Variants in SDC2 observed in about 807,000 individuals in gnomAD.
The protein encoded by SDC2 is syndecan-2.
SDC2 carries 13 observed loss-of-function variants against 22.2 expected under a neutral mutation model. The observed-to-expected ratio is 0.59, with a 90% CI of 0.38 to 0.93. SDC2 has a LOEUF of 0.93. Among genes scored for constraint, SDC2 ranks in the 40% least tolerant of loss-of-function variants. The pLI is 0.00. For missense variants in SDC2, 235 were observed against 246.8 expected (o/e 0.95, Z 0.32); for synonymous variants, 94 against 92.8 (o/e 1.01, Z -0.07).
Position 96,609,916 on chromosome 8 carries a change from TCTTA to T in SDC2, c.*372_*375del, listed in dbSNP as rs1815148309. ...TCTCAGATTGACCTTACCAAGTTGGTCTTACTTTGTTAATTTATCTGTTGTCCCC... is the reference window on the plus strand; with the variant it reads ...TCTCAGATTGACCTTACCAAGTTGGTCTTTGTTAATTTATCTGTTGTCCCC... On this transcript the variant is annotated 3_prime_UTR_variant, in exon 5 of 5. Coordinates refer to ENST00000302190, the MANE Select transcript of SDC2 (RefSeq NM_002998.4). 6.3e-6 allele frequency: 1 copy of T among 158,710 alleles called. No homozygotes were observed. The highest frequency in any genetic ancestry group is 2.4e-5 in the African/African-American group (1 of 41,724). 9.8% of individuals were successfully genotyped at this position (158,710 alleles called of 1,614,324 possible). A position where few individuals can be genotyped will look rare whatever the true frequency, so the allele number is the denominator to read the frequency against.
chr8:96,578,816 A>AAGAT (rs1814544941), intron 1 of SDC2, among the ~76,000 whole-genome samples: 1 of 152,214 alleles, frequency 6.6e-6, no homozygotes, highest in Admixed American at 6.5e-5. Flanking sequence ...GAAAGAAAGA[A>AAGAT]AAGAAAAAGC....
chr8:96,602,473 C>T lies in SDC2; in HGVS notation c.251C>T (p.Pro84Leu). ...AAGATACTGTTGACTAGTGCTGCTCCAAAAGTGGAAACCACGACGCTGAAT... is the reference window on the plus strand; with the variant it reads ...AAGATACTGTTGACTAGTGCTGCTCTAAAAGTGGAAACCACGACGCTGAAT... ...LPKILLTSAA[P>L]KVETTTLNIQ... The change falls in exon 3 of 5, where the codon CCA (proline) becomes CTA (leucine). Residue 84 changes from proline (P) to leucine (L), a missense_variant. By Grantham distance (98) the Pro-to-Leu change is moderately conservative. Transcript: ENST00000302190. The T allele has an allele frequency of 6.2e-7, 1 of 1,614,182 alleles. No individual in the cohort carries two copies. Among genetic ancestry groups the T allele is most frequent in the Non-Finnish European group, 8.5e-7 (1 of 1,180,012 alleles).
intron 1 of SDC2, among the ~76,000 whole-genome samples, chr8:96,533,991 CAGTGCCGGCGGGCCAGCACTGCTGGGGG>C (rs1813709893): frequency 2.6e-5 from 4 of 152,284 alleles, no homozygotes; most frequent in South Asian, 2.1e-4. Context: ...AATTCGAGTG[CAGTGCCGGCGGGCCAGCACTGCTGGGGG>C]ACCCAGTGCA....
chr8:96,536,053 G>A (rs1036841877), intron 1 of SDC2, among the ~76,000 whole-genome samples: 15 of 152,128 alleles, frequency 9.9e-5, no homozygotes, highest in African/African-American at 2.4e-4. Flanking sequence ...GAGGACTACC[G>A]AAGTAATCAG....
chr8:96,516,224 G>GT (rs1330509437), intron 1 of SDC2, among the ~76,000 whole-genome samples: 1 of 152,080 alleles, frequency 6.6e-6, no homozygotes, highest in Non-Finnish European at 1.5e-5. Context: ...ACCTTTTTGG[G>GT]TTTTTAGTTC....
At chr8:96,538,992 G>A (rs1162524757) in intron 1 of SDC2, among the ~76,000 whole-genome samples, 1 of 152,228 alleles carries the variant, frequency 6.6e-6, no homozygotes, top group Non-Finnish European at 1.5e-5. Context: ...ATTCATGACT[G>A]AATATCATTA....
At chr8:96,557,379 T>G (rs1355523487) in intron 1 of SDC2, among the ~76,000 whole-genome samples, 1 of 137,970 alleles carries the variant, frequency 7.2e-6, no homozygotes, top group African/African-American at 2.6e-5. Context: ...CCAACCCAAA[T>G]GTCCAACAAT....
intron 1 of SDC2, among the ~76,000 whole-genome samples, chr8:96,553,180 A>G (rs536649425): frequency 2.0e-5 from 3 of 152,300 alleles, no homozygotes; most frequent in East Asian, 3.9e-4. Context: ...TCTGTGAGGT[A>G]TAACTTTTTA....
At chr8:96,572,735 T>C (rs920313375) in intron 1 of SDC2, among the ~76,000 whole-genome samples, 5 of 152,224 alleles carry the variant, frequency 3.3e-5, no homozygotes, top group African/African-American at 7.2e-5. Flanking sequence ...GGATCACTGT[T>C]GGTGTCATCT....
chr8:96,494,361 C>T (rs962746616), intron 1 of SDC2, 30 bp downstream of exon 1: 1 of 1,534,442 alleles, frequency 6.5e-7, no homozygotes, highest in South Asian at 1.2e-5. Flanking sequence ...GATGCGCGCG[C>T]CGTTTAGGGT....
rs1259143913 is a variant in SDC2, at chr8:96,611,742, C to A, written c.*2194C>A. 6.6e-6 allele frequency: 1 copy of A among 152,290 alleles called. No homozygotes were observed. The highest frequency in any genetic ancestry group is 2.4e-5 in the African/African-American group (1 of 41,354). 9.4% of individuals were successfully genotyped at this position (152,290 alleles called of 1,614,324 possible). ...GTAAAGCAAAATATTTGTGAAAGTG[C>A]CAAAATAAAGTCTGTCATGCCAAAA... is the stretch of plus-strand genomic sequence containing the variant. On this transcript the variant is annotated 3_prime_UTR_variant, in exon 5 of 5. Coordinates refer to ENST00000302190, the MANE Select transcript of SDC2 (RefSeq NM_002998.4).
intron 1 of SDC2, 116 bp from the exon 2 acceptor site, chr8:96,593,364 C>CA: frequency 1.5e-6 from 1 of 660,472 alleles, no homozygotes; most frequent in Non-Finnish European, 2.6e-6. Flanking sequence ...GATGTGGATT[C>CA]AGACTACTGT....
At chr8:96,554,828 G>A (rs1814083623) in intron 1 of SDC2, among the ~76,000 whole-genome samples, 1 of 152,126 alleles carries the variant, frequency 6.6e-6, no homozygotes. Flanking sequence ...TTTTGGGTTG[G>A]TCTTCAAACC....
intron 1 of SDC2, among the ~76,000 whole-genome samples, chr8:96,522,201 A>G (rs1813507263): frequency 6.6e-6 from 1 of 152,208 alleles, no homozygotes; most frequent in African/African-American, 2.4e-5. Flanking sequence ...CTTGGAGTGC[A>G]TGTTAGGACA....
chr8:96,523,094 C>T (rs774131345), intron 1 of SDC2, among the ~76,000 whole-genome samples: 2 of 152,122 alleles, frequency 1.3e-5, no homozygotes, highest in Non-Finnish European at 2.9e-5. Flanking sequence ...GTTAGTTGCT[C>T]CATAGTAAAT....
chr8:96,598,374 C>T (rs1814917110), intron 2 of SDC2, among the ~76,000 whole-genome samples: 2 of 152,116 alleles, frequency 1.3e-5, no homozygotes, highest in Admixed American at 6.5e-5. Flanking sequence ...GTAATCCCAG[C>T]AGTTTGGGAG....
chr8:96,552,200 G>A (rs1814039376), intron 1 of SDC2, among the ~76,000 whole-genome samples: 1 of 152,170 alleles, frequency 6.6e-6, no homozygotes. Context: ...GTGAAATGAG[G>A]AATGAAATAC....
chr8:96,552,714 A>G (rs1168092384), intron 1 of SDC2, among the ~76,000 whole-genome samples: 5 of 152,146 alleles, frequency 3.3e-5, no homozygotes, highest in South Asian at 2.1e-4. Flanking sequence ...ATTTTGTACT[A>G]TTTTGAAGCT....
chr8:96,517,399 C>A (rs887297961), intron 1 of SDC2, among the ~76,000 whole-genome samples: 1 of 152,100 alleles, frequency 6.6e-6, no homozygotes, highest in African/African-American at 2.4e-5. Flanking sequence ...ATATAAGAAA[C>A]ACTGCCTAAC....
Sources: allele counts gnomAD v4.1 joint callset (sites outside exome capture counted in the v4.1 genomes callset), GRCh38; gene constraint gnomAD v4.1.1; transcripts MANE v1.5; gene names NCBI Gene and HGNC (gene_info 2026-07-23, HGNC 2026-07-21).